DPYD: variants seen among roughly 807,000 people sequenced by gnomAD.
DPYD encodes dihydropyrimidine dehydrogenase [NADP(+)].
A neutral mutation model predicts 116.2 loss-of-function variants in DPYD; 109 were observed. That is an observed-to-expected ratio of 0.94 (90% CI 0.80 to 1.10). The LOEUF (loss-of-function observed/expected upper bound fraction) is 1.10. Ranked by LOEUF, DPYD falls within the 50% of genes least tolerant of loss-of-function variation. The pLI, the probability that DPYD is intolerant of heterozygous loss-of-function variation, is 0.00. For missense variants in DPYD, 1,302 were observed against 1,254.5 expected (o/e 1.04, Z -0.57); for synonymous variants, 440 against 432.0 (o/e 1.02, Z -0.23).
intron 16 of DPYD, among the ~76,000 whole-genome samples, chr1:97,343,735 G>A (rs2101252493): frequency 6.6e-6 from 1 of 151,986 alleles, no homozygotes; most frequent in Admixed American, 6.6e-5. Context: ...TAATATATGA[G>A]TGCTAAAGCT....
intron 5 of DPYD, among the ~76,000 whole-genome samples, chr1:97,712,016 T>C (rs1361122399): frequency 6.6e-6 from 1 of 152,052 alleles, no homozygotes; most frequent in Non-Finnish European, 1.5e-5. Context: ...GTAATTTGTT[T>C]TCCCTTTATC....
chr1:97,175,879 C>T (rs939800460), intron 20 of DPYD, among the ~76,000 whole-genome samples: 2 of 152,264 alleles, frequency 1.3e-5, no homozygotes, highest in South Asian at 2.1e-4. Context: ...ACTGTCCTTT[C>T]GTGTTGCATC....
Position 97,607,481 on chromosome 1 carries a change from C to A in DPYD, c.851-12315G>T, listed in dbSNP as rs573730544. Among the ~76,000 whole-genome samples the A allele has an allele frequency of 4.6e-5, 7 of 151,836 alleles. No homozygotes were observed. In the South Asian group the frequency reaches 1.2e-3, roughly 27 times the overall value. On this transcript the variant is annotated intron_variant, in intron 8 of 22. Coordinates refer to ENST00000370192, the MANE Select transcript of DPYD (RefSeq NM_000110.4). ...AAAATCTGAAGCTCAGGAGGGAAAT[C>A]CCGTCTAGATAAACAGATTTGAAAA...
chr1:97,773,529 C>A (rs1666246263), intron 3 of DPYD, among the ~76,000 whole-genome samples: 3 of 152,272 alleles, frequency 2.0e-5, no homozygotes, highest in African/African-American at 7.2e-5. Flanking sequence ...CTCTGACCCA[C>A]CATGCTCCCC....
intron 12 of DPYD, among the ~76,000 whole-genome samples, chr1:97,517,183 T>C (rs1490363844): frequency 6.6e-6 from 1 of 152,064 alleles, no homozygotes; most frequent in Admixed American, 6.6e-5. Flanking sequence ...CCTGATGGGA[T>C]CCAGGCTTCA....
intron 3 of DPYD, among the ~76,000 whole-genome samples, chr1:97,826,593 T>A (rs1173490468): frequency 6.6e-6 from 1 of 152,154 alleles, no homozygotes; most frequent in Admixed American, 6.5e-5. Flanking sequence ...AAACTTATCA[T>A]AATAAGCATT....
intron 11 of DPYD, among the ~76,000 whole-genome samples, chr1:97,555,885 G>C (rs747044897): frequency 2.0e-5 from 3 of 152,076 alleles, no homozygotes; most frequent in Non-Finnish European, 4.4e-5. Flanking sequence ...CTACAAATTA[G>C]AGGTTTCCCA....
At chr1:97,501,815 G>T (rs1183645639) in intron 13 of DPYD, among the ~76,000 whole-genome samples, 1 of 151,992 alleles carries the variant, frequency 6.6e-6, no homozygotes, top group Non-Finnish European at 1.5e-5. Flanking sequence ...CAGCTACGAA[G>T]AAATCACACC....
chr1:97,227,132 C>T (rs1306293273), intron 19 of DPYD, among the ~76,000 whole-genome samples: 1 of 151,718 alleles, frequency 6.6e-6, no homozygotes, highest in Non-Finnish European at 1.5e-5. Context: ...CGAGACCATC[C>T]TGGCCAACAT....
intron 8 of DPYD, among the ~76,000 whole-genome samples, chr1:97,676,126 G>C (rs900410194): frequency 6.6e-6 from 1 of 152,080 alleles, no homozygotes; most frequent in Non-Finnish European, 1.5e-5. Flanking sequence ...TTGCTACTAA[G>C]TACTTTACTG....
rs77978293 is a variant in DPYD at position 97,471,300 on chromosome 1, T to TA, written c.1741-21078dup. ...AAGATGGGGGTCCCAGGACAGGGAA[T>TA]AAAAAAAACCCGAAAAACAAAAACA... On this transcript the variant is annotated intron_variant, in intron 13 of 22. Transcript: ENST00000370192. Among the ~76,000 whole-genome samples, 860 of 151,668 alleles carry TA rather than the reference T, an allele frequency of 5.7e-3. 22 individuals are homozygous for TA. The East Asian group carries it at 0.11, about 19-fold the overall frequency.
At chr1:97,534,795 T>G (rs561455917) in intron 12 of DPYD, among the ~76,000 whole-genome samples, 2 of 152,062 alleles carry the variant, frequency 1.3e-5, no homozygotes, top group African/African-American at 4.8e-5. Context: ...GGTTAATCCA[T>G]AGGTAATTTT....
At chr1:97,187,043 TG>T (rs1658048017) in intron 20 of DPYD, among the ~76,000 whole-genome samples, 1 of 152,144 alleles carries the variant, frequency 6.6e-6, no homozygotes. Flanking sequence ...CATAAACATA[TG>T]AATGTATTTT....
At chr1:97,536,711 T>G (rs1650026200) in intron 12 of DPYD, among the ~76,000 whole-genome samples, 1 of 152,182 alleles carries the variant, frequency 6.6e-6, no homozygotes, top group Admixed American at 6.5e-5. Flanking sequence ...CACCAAATTA[T>G]AGCCTTTTCT....
At chr1:97,268,601 G>T (rs1319764267) in intron 18 of DPYD, among the ~76,000 whole-genome samples, 1 of 152,086 alleles carries the variant, frequency 6.6e-6, no homozygotes, top group Non-Finnish European at 1.5e-5. Flanking sequence ...ATACCTTCTG[G>T]AGTGATGGAT....
At chr1:97,764,663 G>A (rs943995878) in intron 3 of DPYD, among the ~76,000 whole-genome samples, 1 of 151,824 alleles carries the variant, frequency 6.6e-6, no homozygotes, top group Non-Finnish European at 1.5e-5. Context: ...AAACTCTAGG[G>A]AAAATATCTT....
chr1:97,135,339 T>C (rs2101681007), intron 20 of DPYD, among the ~76,000 whole-genome samples: 1 of 152,360 alleles, frequency 6.6e-6, no homozygotes, highest in Admixed American at 6.5e-5. Context: ...AGGAGCAAAG[T>C]GTTGTCTCTT....
intron 20 of DPYD, among the ~76,000 whole-genome samples, chr1:97,106,039 G>A (rs1034803708): frequency 6.6e-6 from 1 of 152,022 alleles, no homozygotes; most frequent in Non-Finnish European, 1.5e-5. Context: ...TTATTCTTTA[G>A]GGTGTATGGG....
chr1:97,184,666 T>G (rs1657877006), intron 20 of DPYD, among the ~76,000 whole-genome samples: 1 of 152,166 alleles, frequency 6.6e-6, no homozygotes, highest in Non-Finnish European at 1.5e-5. Flanking sequence ...CATTTTAAAA[T>G]TTTAATTTCC....
Sources: gnomAD v4.1 joint callset for allele counts (sites outside exome capture counted in the v4.1 genomes callset) on GRCh38, gnomAD v4.1.1 for gene constraint, MANE v1.5 for transcripts, NCBI Gene and HGNC (gene_info 2026-07-23, HGNC 2026-07-21) for gene names.